The following GALNT17 variants were observed in gnomAD, a reference collection of about 807,000 sequenced individuals.
GALNT17 encodes polypeptide N-acetylgalactosaminyltransferase 17.
Under a neutral mutation model 63.7 loss-of-function variants are expected in GALNT17, and 29 were observed. That is an observed-to-expected ratio of 0.46 (90% CI 0.34 to 0.62). GALNT17 has a LOEUF of 0.62. Ranked by LOEUF, GALNT17 falls within the 20% of genes least tolerant of loss-of-function variation. GALNT17 has a pLI of 0.01. For missense variants in GALNT17, 603 were observed against 799.6 expected, an observed-to-expected ratio of 0.75 and a Z score of 2.97; for synonymous variants, 305 against 318.3, an observed-to-expected ratio of 0.96 and a Z score of 0.45.
chr7:71,499,528 G>A (rs1584005306), intron 5 of GALNT17, among the ~76,000 whole-genome samples: 1 of 152,152 alleles, frequency 6.6e-6, no homozygotes, highest in African/African-American at 2.4e-5. Flanking sequence ...ACAGTGAGAG[G>A]AAATACCACA....
intron 5 of GALNT17, among the ~76,000 whole-genome samples, chr7:71,538,833 C>T (rs745397480): frequency 1.4e-4 from 20 of 143,362 alleles, no homozygotes; most frequent in Non-Finnish European, 2.4e-4. Context: ...GACAGTTGGA[C>T]GGAGGGAGAG....
intron 5 of GALNT17, among the ~76,000 whole-genome samples, chr7:71,563,402 C>T (rs1242824892): frequency 2.0e-5 from 3 of 152,194 alleles, no homozygotes; most frequent in South Asian, 2.1e-4. Context: ...CTGCCACTCA[C>T]GAGGCAGGTG....
chr7:71,498,200 GCA>G (rs1788126352), intron 5 of GALNT17, among the ~76,000 whole-genome samples: 1 of 152,158 alleles, frequency 6.6e-6, no homozygotes. Flanking sequence ...AGAGGGCTGG[GCA>G]CAGTGTCTCA....
intron 6 of GALNT17, among the ~76,000 whole-genome samples, chr7:71,616,881 A>ATAATTCTTATAAGAATCAT (rs1790213523): frequency 1.6e-5 from 2 of 125,608 alleles, no homozygotes; most frequent in East Asian, 4.4e-4. Flanking sequence ...TACATTATAT[A>ATAATTCTTATAAGAATCAT]ATTAAGAATA....
intron 5 of GALNT17, among the ~76,000 whole-genome samples, chr7:71,504,265 C>T (rs565437829): frequency 8.7e-4 from 130 of 150,102 alleles, no homozygotes; most frequent in Middle Eastern, 7.0e-3. Flanking sequence ...TGGTGGCAGA[C>T]GTCTGTAATC....
Position 71,388,274 on chromosome 7 carries a change from A to G in GALNT17, c.462A>G (p.Ile154Met), listed in dbSNP as rs1234385819. ...AGTACTCCAAGGACCTGCCCCAGAT[A>G]TCCATCATATTCATCTTCGTGAACG... is the stretch of plus-strand genomic sequence containing the variant. Reference protein sequence around the residue: ...ELKYSKDLPQISIIFIFVNEA... With the variant: ...ELKYSKDLPQMSIIFIFVNEA... Residue 154 changes from isoleucine to methionine, a missense_variant, in exon 3 of 11, where the codon ATA (isoleucine) becomes ATG (methionine). Transcript: ENST00000333538. 6.2e-7 allele frequency: 1 copy of G among 1,613,984 alleles called. No individual in the cohort carries two copies. The highest frequency in any genetic ancestry group is 1.7e-5 in the Admixed American group (1 of 59,992).
rs185612482 is a variant in GALNT17 at position 71,691,359 on chromosome 7, T to C, written c.1500+14053T>C. Among the ~76,000 whole-genome samples, 25 of 152,358 alleles carry C rather than the reference T, an allele frequency of 1.6e-4. No homozygotes were observed. The East Asian group carries it at 4.6e-3, about 28-fold the overall frequency. On this transcript the variant is annotated intron_variant, in intron 9 of 10. Coordinates refer to ENST00000333538, the MANE Select transcript of GALNT17 (RefSeq NM_022479.3). ...AGGCATGCTATTGCACACTTAATAG[T>C]CTACAGTATAGTGTAAACATAACTT...
chr7:71,628,122 G>C (rs1167944703), intron 6 of GALNT17, among the ~76,000 whole-genome samples: 1 of 151,812 alleles, frequency 6.6e-6, no homozygotes. Context: ...AAAAAAAAAG[G>C]CTGAGAGACA....
intron 2 of GALNT17, among the ~76,000 whole-genome samples, chr7:71,356,867 C>T (rs1421438156): frequency 6.6e-6 from 1 of 152,134 alleles, no homozygotes; most frequent in Admixed American, 6.5e-5. Flanking sequence ...CTGCAACCAC[C>T]GCCTTCTGGG....
At chr7:71,210,562 A>G (rs905902342) in intron 1 of GALNT17, among the ~76,000 whole-genome samples, 1 of 152,192 alleles carries the variant, frequency 6.6e-6, no homozygotes, top group Non-Finnish European at 1.5e-5. Flanking sequence ...TGTTAGTAGA[A>G]TATTATAATT....
intron 1 of GALNT17, among the ~76,000 whole-genome samples, chr7:71,148,505 C>T (rs1007359025): frequency 3.3e-5 from 5 of 152,088 alleles, no homozygotes; most frequent in African/African-American, 1.2e-4. Flanking sequence ...ACAGTGGTAG[C>T]AAAAGAGAAG....
At chr7:71,193,851 TGTGTTGTGGTCCAC>T (rs1788997707) in intron 1 of GALNT17, among the ~76,000 whole-genome samples, 1 of 152,206 alleles carries the variant, frequency 6.6e-6, no homozygotes, top group Admixed American at 6.5e-5. Flanking sequence ...AATAAAATAA[TGTGTTGTGGTCCAC>T]GTGCAGTTAA....
At chr7:71,444,602 G>A (rs1046476816) in intron 5 of GALNT17, among the ~76,000 whole-genome samples, 10 of 152,194 alleles carry the variant, frequency 6.6e-5, no homozygotes, top group African/African-American at 1.7e-4. Flanking sequence ...CTGGGAGGCC[G>A]AGGCAGGTAG....
At chr7:71,270,325 C>T (rs1186607497) in intron 1 of GALNT17, among the ~76,000 whole-genome samples, 1 of 151,752 alleles carries the variant, frequency 6.6e-6, no homozygotes, top group East Asian at 1.9e-4. Flanking sequence ...AGATTGAGAC[C>T]AGCCTGGCCA....
intron 6 of GALNT17, among the ~76,000 whole-genome samples, chr7:71,597,666 G>A: frequency 6.6e-6 from 1 of 152,186 alleles, no homozygotes; most frequent in East Asian, 1.9e-4. Flanking sequence ...GTTGTCAGCA[G>A]ATGAGCCATG....
intron 1 of GALNT17, among the ~76,000 whole-genome samples, chr7:71,230,849 G>A (rs920564494): frequency 6.6e-6 from 1 of 152,100 alleles, no homozygotes; most frequent in Non-Finnish European, 1.5e-5. Context: ...TTTTCAAAGT[G>A]TGTGCCCCAA....
At chr7:71,503,902 T>C (rs951291599) in intron 5 of GALNT17, among the ~76,000 whole-genome samples, 28 of 152,032 alleles carry the variant, frequency 1.8e-4, no homozygotes, top group Non-Finnish European at 3.2e-4. Flanking sequence ...GAGACCAGCC[T>C]GGCCAATACA....
intron 5 of GALNT17, among the ~76,000 whole-genome samples, chr7:71,486,900 G>C (rs1032193284): frequency 6.6e-6 from 1 of 151,724 alleles, no homozygotes; most frequent in Non-Finnish European, 1.5e-5. Context: ...TCTTGCTCCT[G>C]CTGGTGGATT....
chr7:71,152,637 CT>C (rs748730531), intron 1 of GALNT17, among the ~76,000 whole-genome samples: 2 of 149,872 alleles, frequency 1.3e-5, no homozygotes, highest in African/African-American at 2.4e-5. Context: ...CATTTTCTTT[CT>C]TTTTTTTTTC....
Sources: gnomAD v4.1 joint callset for allele counts (sites outside exome capture counted in the v4.1 genomes callset) on GRCh38, gnomAD v4.1.1 for gene constraint, MANE v1.5 for transcripts, NCBI Gene and HGNC (gene_info 2026-07-23, HGNC 2026-07-21) for gene names.